ABCA13: variants seen among roughly 807,000 people sequenced by gnomAD.
ABCA13 encodes ATP-binding cassette sub-family A member 13.
ABCA13 carries 476 observed loss-of-function variants against 478.7 expected under a neutral mutation model. That is an observed-to-expected ratio of 0.99 (90% confidence interval 0.92 to 1.07). The LOEUF (loss-of-function observed/expected upper bound fraction) is 1.07. Ranked by LOEUF, ABCA13 falls within the 50% of genes least tolerant of loss-of-function variation. The pLI is 0.00. For synonymous variants in ABCA13, 2,252 were observed against 2,158.9 expected, an observed-to-expected ratio of 1.04 and a Z score of -1.20; for missense variants, 6,060 against 5,910.6, an observed-to-expected ratio of 1.03 and a Z score of -0.83.
chr7:48,550,673 CTATT>C (rs1167525217), intron 55 of ABCA13, among the ~76,000 whole-genome samples: 1 of 151,680 alleles, frequency 6.6e-6, no homozygotes, highest in Non-Finnish European at 1.5e-5. Flanking sequence ...GTGAATCCAT[CTATT>C]TATCTATCTA....
At chr7:48,353,403 T>C (rs1006012250) in intron 31 of ABCA13, among the ~76,000 whole-genome samples, 2 of 151,460 alleles carry the variant, frequency 1.3e-5, no homozygotes, top group Non-Finnish European at 2.9e-5. Context: ...CTACCCTCTC[T>C]CAAAAGCACA....
At chr7:48,434,603 T>C (rs1434955240) in intron 42 of ABCA13, among the ~76,000 whole-genome samples, 1 of 151,912 alleles carries the variant, frequency 6.6e-6, no homozygotes, top group Admixed American at 6.6e-5. Flanking sequence ...TATCCTGAAG[T>C]TTTTTCCTGT....
chr7:48,239,452 A>G, intron 9 of ABCA13, 47 bp downstream of exon 9: 1 of 1,535,322 alleles, frequency 6.5e-7, no homozygotes. Flanking sequence ...TGCCAGTTTG[A>G]GTGTCCAAAT....
chr7:48,388,044 C>T (rs1243345599), intron 36 of ABCA13, 85 bp downstream of exon 36: 3 of 1,427,866 alleles, frequency 2.1e-6, no homozygotes, highest in African/African-American at 1.4e-5. Context: ...ATGGTCCAGC[C>T]TTTTCAAGTG....
chr7:48,277,414 C>A (rs747248969), intron 17 of ABCA13, among the ~76,000 whole-genome samples: 10 of 152,202 alleles, frequency 6.6e-5, no homozygotes, highest in Non-Finnish European at 1.3e-4. Flanking sequence ...TTTCCTGGCC[C>A]ACTCAGGACA....
intron 42 of ABCA13, among the ~76,000 whole-genome samples, chr7:48,433,453 A>G (rs1822416012): frequency 6.7e-6 from 1 of 149,014 alleles, no homozygotes; most frequent in Non-Finnish European, 1.5e-5. Context: ...AATATATAAT[A>G]TAAGTACATA....
intron 11 of ABCA13, 45 bp downstream of exon 11, chr7:48,244,748 A>T: frequency 6.5e-7 from 1 of 1,534,160 alleles, no homozygotes. Flanking sequence ...ACTAAGAGTA[A>T]ATGTGAAATT....
At chr7:48,326,373 G>T (rs981407301) in intron 27 of ABCA13, among the ~76,000 whole-genome samples, 3 of 152,204 alleles carry the variant, frequency 2.0e-5, no homozygotes, top group East Asian at 1.9e-4. Flanking sequence ...TTAATAACTA[G>T]CCGGCTGTAA....
chr7:48,550,805 G>A (rs1021243899), intron 55 of ABCA13, among the ~76,000 whole-genome samples: 3 of 151,100 alleles, frequency 2.0e-5, no homozygotes, highest in Non-Finnish European at 3.0e-5. Context: ...GGTCATCCAT[G>A]TTATGTCACC....
intron 42 of ABCA13, among the ~76,000 whole-genome samples, chr7:48,447,861 C>T (rs1433504): frequency 0.3 from 45,266 of 151,938 alleles, 6,827 homozygotes; most frequent in East Asian, 0.38. Flanking sequence ...AGGACCTCAG[C>T]GCATATGAAG....
At position 48,575,074 on chromosome 7, in the gene ABCA13, AAC is replaced by A. The variant is rs1483580466; in HGVS notation, c.14355-5146_14355-5145del. Among the ~76,000 whole-genome samples, 9 of 151,822 alleles carry A rather than the reference AAC, an allele frequency of 5.9e-5. No homozygotes were observed. The East Asian group carries it at 1.7e-3, about 29-fold the overall frequency. ...TCCAGTAGACATTTTTTTTTTGCAT[AAC>A]ACATGTAAACATTTTATGGTACATA... On this transcript the variant is annotated intron_variant, in intron 55 of 61. Transcript: ENST00000435803.
At chr7:48,418,343 C>T (rs1820309951) in intron 41 of ABCA13, among the ~76,000 whole-genome samples, 1 of 152,182 alleles carries the variant, frequency 6.6e-6, no homozygotes, top group Non-Finnish European at 1.5e-5. Flanking sequence ...TTCTTGCCAA[C>T]ATTTGGTGCT....
chr7:48,225,166 TTCC>T (rs1788020761), intron 5 of ABCA13, among the ~76,000 whole-genome samples: 1 of 148,356 alleles, frequency 6.7e-6, no homozygotes, highest in Non-Finnish European at 1.5e-5. Context: ...CCTTCCTTCC[TTCC>T]TTCCTTCCTT....
Position 48,274,598 on chromosome 7 carries a change from T to C in ABCA13, c.4932T>C (p.Pro1644=), listed in dbSNP as rs1221942691. The C allele has an allele frequency of 1.2e-6, 2 of 1,613,882 alleles. No individual in the cohort carries two copies. Among genetic ancestry groups the C allele is most frequent in the African/African-American group, 1.3e-5 (1 of 74,942 alleles). ...LIRDVFNSLM[P]VVHHTSPQNA... The stretch of plus-strand genomic sequence containing the variant: ...GGGATGTGTTCAACTCCTTAATGCC[T>C]GTAGTTCATCACACTAGTCCACAAA... Residue 1644 remains proline, a synonymous_variant, in exon 17 of 62, where the codon CCT becomes CCC. Transcript: ENST00000435803.
At position 48,561,077 on chromosome 7, in the gene ABCA13, G is replaced by GTA. The variant is rs566718245; in HGVS notation, c.14355-19139_14355-19138dup. The stretch of plus-strand genomic sequence containing the variant: ...GAATAGTATTCCATTGTATGTATAT[G>GTA]TATATATATGTATGTATGTATGCAT... On this transcript the variant is annotated intron_variant, in intron 55 of 61. Transcript: ENST00000435803. Among the ~76,000 whole-genome samples the GTA allele has an allele frequency of 2.6e-5, 4 of 151,954 alleles. No homozygotes were observed. The South Asian group carries it at 6.2e-4, about 24-fold the overall frequency.
At chr7:48,223,976 AAGAGAG>A (rs536905832) in intron 5 of ABCA13, among the ~76,000 whole-genome samples, 1 of 129,906 alleles carries the variant, frequency 7.7e-6, no homozygotes, top group Admixed American at 7.6e-5. Context: ...AAAAAAAAAA[AAGAGAG>A]AGAGAGAGAG....
At chr7:48,175,757 TAGTC>T (rs1266646969) in intron 1 of ABCA13, among the ~76,000 whole-genome samples, 1 of 152,176 alleles carries the variant, frequency 6.6e-6, no homozygotes, top group Non-Finnish European at 1.5e-5. Context: ...AGTCATCCTA[TAGTC>T]ATATAGAGCA....
chr7:48,232,743 C>T (rs1789344926), intron 7 of ABCA13, among the ~76,000 whole-genome samples: 1 of 152,172 alleles, frequency 6.6e-6, no homozygotes, highest in African/African-American at 2.4e-5. Context: ...AAGTATGCTA[C>T]ACTGATGTCA....
intron 39 of ABCA13, among the ~76,000 whole-genome samples, chr7:48,409,805 A>G (rs73694614): frequency 0.014 from 2,133 of 152,056 alleles, 37 homozygotes; most frequent in African/African-American, 0.048. Context: ...AGGGCCAGGC[A>G]TGGAGGGTTC....
Sources: allele counts gnomAD v4.1 joint callset (sites outside exome capture counted in the v4.1 genomes callset), GRCh38; gene constraint gnomAD v4.1.1; transcripts MANE v1.5; gene names NCBI Gene and HGNC (gene_info 2026-07-23, HGNC 2026-07-21).